Variants in RFX8 observed in about 807,000 individuals in gnomAD.
The protein encoded by RFX8 is regulatory factor X8.
A neutral mutation model predicts 54.6 loss-of-function variants in RFX8; 46 were observed. The ratio of observed to expected loss-of-function variants is 0.84; its 90% CI spans 0.67 to 1.08. The LOEUF is 1.08. Among genes scored for constraint, RFX8 ranks in the 50% least tolerant of loss-of-function variants. The pLI is 0.00. For synonymous variants in RFX8, 192 were observed against 209.5 expected (o/e 0.92, Z 0.72); for missense variants, 536 against 562.3 (o/e 0.95, Z 0.47).
intron 2 of RFX8, among the ~76,000 whole-genome samples, chr2:101,433,882 G>C (rs1687628684): frequency 6.6e-6 from 1 of 152,192 alleles, no homozygotes; most frequent in Admixed American, 6.5e-5. Context: ...TTTTGATTAA[G>C]AGAAGATATC....
chr2:101,414,618 G>T (rs984297419), intron 7 of RFX8, among the ~76,000 whole-genome samples: 1 of 152,024 alleles, frequency 6.6e-6, no homozygotes, highest in Non-Finnish European at 1.5e-5. Flanking sequence ...CTCCTGCCCT[G>T]AGAGAGCCAG....
chr2:101,440,966 AT>A (rs70946645), intron 2 of RFX8, among the ~76,000 whole-genome samples: 24,537 of 113,250 alleles, frequency 0.22, 2,326 homozygotes, highest in Admixed American at 0.31. Flanking sequence ...CCATGTTGAA[AT>A]TTTTTTTTTT....
intron 2 of RFX8, among the ~76,000 whole-genome samples, chr2:101,466,468 A>G (rs895259409): frequency 2.0e-5 from 3 of 152,182 alleles, no homozygotes; most frequent in Non-Finnish European, 4.4e-5. Flanking sequence ...TGGCACTTCT[A>G]TGCAGGGAAT....
chr2:101,461,004 C>T (rs999641951), intron 2 of RFX8, among the ~76,000 whole-genome samples: 1 of 151,634 alleles, frequency 6.6e-6, no homozygotes, highest in African/African-American at 2.4e-5. Flanking sequence ...CACGGTGGCT[C>T]ACGCCTGTAA....
chr2:101,415,371 C>T (rs1223074046), intron 6 of RFX8, among the ~76,000 whole-genome samples: 1 of 152,196 alleles, frequency 6.6e-6, no homozygotes, highest in African/African-American at 2.4e-5. Context: ...AGACCTTCCC[C>T]AGACACCCAT....
At chr2:101,462,546 G>A (rs1689339874) in intron 2 of RFX8, among the ~76,000 whole-genome samples, 1 of 152,110 alleles carries the variant, frequency 6.6e-6, no homozygotes, top group Admixed American at 6.5e-5. Context: ...GATATTTGAG[G>A]CAAAAAGAAT....
chr2:101,418,451 C>T (rs1686664003), intron 5 of RFX8, among the ~76,000 whole-genome samples: 1 of 152,164 alleles, frequency 6.6e-6, no homozygotes, highest in Admixed American at 6.5e-5. Flanking sequence ...AAATACAACC[C>T]TCCAAATACA....
At chr2:101,456,134 A>G (rs1184547108) in intron 2 of RFX8, among the ~76,000 whole-genome samples, 1 of 152,132 alleles carries the variant, frequency 6.6e-6, no homozygotes, top group African/African-American at 2.4e-5. Context: ...GGGTTTTCTA[A>G]ATATACAATC....
intron 2 of RFX8, among the ~76,000 whole-genome samples, chr2:101,432,095 ATT>A (rs1435291731): frequency 6.6e-6 from 1 of 152,168 alleles, no homozygotes; most frequent in Non-Finnish European, 1.5e-5. Flanking sequence ...AAAGACATGC[ATT>A]TGTTCAAACG....
At chr2:101,406,628 C>T (rs1178790759) in intron 9 of RFX8, among the ~76,000 whole-genome samples, 1 of 152,124 alleles carries the variant, frequency 6.6e-6, no homozygotes, top group Non-Finnish European at 1.5e-5. Context: ...AGGCATAAGC[C>T]ACCATGCCCA....
intron 1 of RFX8, chr2:101,474,134 G>T: frequency 1.8e-6 from 1 of 565,018 alleles, no homozygotes; most frequent in South Asian, 2.1e-5. Context: ...CAGCCGTAGC[G>T]GGAACCACGC....
At chr2:101,423,914 T>A (rs533608022) in intron 2 of RFX8, among the ~76,000 whole-genome samples, 1 of 152,294 alleles carries the variant, frequency 6.6e-6, no homozygotes, top group South Asian at 2.1e-4. Flanking sequence ...TGTTTAACTG[T>A]CCTCTCAGTG....
rs113866809 is a variant in RFX8 at position 101,413,536 on chromosome 2, T to A, written c.562-465A>T. 2.7e-4 allele frequency among the ~76,000 whole-genome samples: 41 copies of A among 152,310 alleles called. 1 individual carries two copies. The highest frequency in any genetic ancestry group is 8.9e-4 in the African/African-American group (37 of 41,568). ...ATATCCTCAGCTGTCAAATGGGGACTATCTAGTCCCCAACACTGTCCGACT... is the reference window on the plus strand; with the variant it reads ...ATATCCTCAGCTGTCAAATGGGGACAATCTAGTCCCCAACACTGTCCGACT... On this transcript the variant is annotated intron_variant, in intron 7 of 11. Coordinates refer to ENST00000428343, the MANE Select transcript of RFX8 (RefSeq NM_001145664.2).
chr2:101,423,861 A>G (rs1213615843), intron 2 of RFX8, among the ~76,000 whole-genome samples: 1 of 152,138 alleles, frequency 6.6e-6, no homozygotes, highest in African/African-American at 2.4e-5. Context: ...ATGCCCCAGT[A>G]TCAACCAGTA....
intron 6 of RFX8, 86 bp from the exon 7 acceptor site, chr2:101,414,998 G>T: frequency 1.9e-6 from 2 of 1,060,422 alleles, no homozygotes; most frequent in Non-Finnish European, 2.8e-6. Flanking sequence ...CATGTTTGGG[G>T]TAGGAAGGCA....
intron 1 of RFX8, among the ~76,000 whole-genome samples, chr2:101,469,065 T>TATATAA (rs1179384468): frequency 8.0e-5 from 2 of 24,846 alleles, no homozygotes; most frequent in Non-Finnish European, 1.7e-4. Context: ...CGTATATATA[T>TATATAA]GTATATATAT....
intron 2 of RFX8, among the ~76,000 whole-genome samples, chr2:101,462,389 C>T (rs768846808): frequency 7.9e-5 from 12 of 152,072 alleles, no homozygotes; most frequent in African/African-American, 1.2e-4. Flanking sequence ...GAGATCATGT[C>T]GCTGTATTCC....
At chr2:101,435,734 C>T (rs1355460200) in intron 2 of RFX8, among the ~76,000 whole-genome samples, 1 of 152,076 alleles carries the variant, frequency 6.6e-6, no homozygotes, top group East Asian at 1.9e-4. Context: ...GGCCATTCTG[C>T]CCTGATAGGG....
intron 2 of RFX8, among the ~76,000 whole-genome samples, chr2:101,465,020 G>A (rs1358496375): frequency 3.3e-5 from 5 of 152,122 alleles, no homozygotes; most frequent in Non-Finnish European, 5.9e-5. Context: ...GCCAATATTT[G>A]GAGTGATGAA....
Sources: gnomAD v4.1 joint callset for allele counts (sites outside exome capture counted in the v4.1 genomes callset) on GRCh38, gnomAD v4.1.1 for gene constraint, MANE v1.5 for transcripts, NCBI Gene and HGNC (gene_info 2026-07-23, HGNC 2026-07-21) for gene names.